SRGAP2: variants seen among roughly 807,000 people sequenced by gnomAD.
SRGAP2 encodes SLIT-ROBO Rho GTPase-activating protein 2.
A neutral mutation model predicts 57.2 loss-of-function variants in SRGAP2; 15 were observed. The observed-to-expected ratio is 0.26, with a 90% confidence interval of 0.18 to 0.40. SRGAP2 has a LOEUF of 0.40. Ranked by LOEUF, SRGAP2 falls within the 10% of genes least tolerant of loss-of-function variation. SRGAP2 has a pLI of 1.00. For synonymous variants in SRGAP2, 249 were observed against 248.0 expected (o/e 1.00, Z -0.04); for missense variants, 520 against 669.6 (o/e 0.78, Z 2.47).
chr1:206,373,186 C>T (rs2103032150), intron 4 of SRGAP2, among the ~76,000 whole-genome samples: 1 of 145,554 alleles, frequency 6.9e-6, no homozygotes, highest in Non-Finnish European at 1.5e-5. Flanking sequence ...ACCTCTGCCT[C>T]CCGGGTTCAA....
At chr1:206,387,536 AGTTATTT>A in intron 5 of SRGAP2, among the ~76,000 whole-genome samples, 1 of 86,486 alleles carries the variant, frequency 1.2e-5, no homozygotes, top group Admixed American at 1.2e-4. Context: ...AGGCAATAGA[AGTTATTT>A]GGGGTCACTG....
chr1:206,452,118 T>C (rs1375055603), intron 19 of SRGAP2, among the ~76,000 whole-genome samples: 1 of 152,224 alleles, frequency 6.6e-6, no homozygotes, highest in African/African-American at 2.4e-5. Context: ...GGCGGGACAC[T>C]GTTCTAAGCA....
At chr1:206,253,468 T>C (rs1311945507) in intron 2 of SRGAP2, among the ~76,000 whole-genome samples, 5 of 151,962 alleles carry the variant, frequency 3.3e-5, no homozygotes, top group Non-Finnish European at 7.4e-5. Flanking sequence ...TCCTTGACCT[T>C]GGACTTCCTA....
rs1304732607 is a variant in SRGAP2 at position 206,283,445 on chromosome 1, A to G, written c.68-19836A>G. ...TCCCAGCACTTTGGGAGGCTGAGGC[A>G]GGTAGATCACTTGAGACCAGGAGTT... On this transcript the variant is annotated intron_variant, in intron 2 of 22. Coordinates refer to ENST00000573034, the MANE Select transcript of SRGAP2 (RefSeq NM_015326.5). Among the ~76,000 whole-genome samples, 1,391 of 151,508 alleles carry G rather than the reference A, an allele frequency of 9.2e-3. 21 individuals are homozygous for G. The highest frequency in any genetic ancestry group is 0.032 in the African/African-American group (1,304 of 40,768).
In SRGAP2 at chr1:206,463,518, C is replaced by G. The variant is rs1465583340; in HGVS notation, c.*2098C>G. 1 of 152,676 alleles carries G rather than the reference C, an allele frequency of 6.5e-6. No homozygotes were observed. The allele number at this position is 152,676 out of a possible 1,614,324, so 9.5% of individuals were successfully genotyped here. The stretch of plus-strand genomic sequence containing the variant: ...CTCCCTCTCTCCAGCACACTCCCCT[C>G]TAAGAAAGTAAAAGCAAAGCTTTCT... On this transcript the variant is annotated 3_prime_UTR_variant, in exon 23 of 23. Transcript: ENST00000573034.
At chr1:206,213,082 A>G (rs1456602663) in intron 2 of SRGAP2, among the ~76,000 whole-genome samples, 1 of 152,022 alleles carries the variant, frequency 6.6e-6, no homozygotes, top group Non-Finnish European at 1.5e-5. Context: ...TCCCAGCTAT[A>G]CGGGAGGCTG....
At chr1:206,303,886 TCTCACACACA>T (rs1465277392) in intron 3 of SRGAP2, among the ~76,000 whole-genome samples, 2,298 of 132,878 alleles carry the variant, frequency 0.017, 17 homozygotes, top group African/African-American at 0.062. Context: ...TCTCTCTCTC[TCTCACACACA>T]CACACACACA....
At position 206,430,166 on chromosome 1, in the gene SRGAP2, C is replaced by T; in HGVS notation, c.1499C>T (p.Ser500Phe). ...RRSSTVRKQDSSQAIPLVVES... is the reference protein window; with the variant it reads ...RRSSTVRKQDFSQAIPLVVES... ...TGTTTCCCTTTGGCTTTTCAGGACT[C>T]CAGCCAGGCAATTCCTCTGGTGGTG... Residue 500 changes from serine to phenylalanine, a missense_variant, in exon 14 of 23, where the codon TCC becomes TTC. Coordinates refer to ENST00000573034, the MANE Select transcript of SRGAP2 (RefSeq NM_015326.5). 2 of 780,758 alleles carry T rather than the reference C, an allele frequency of 2.6e-6. No homozygotes were observed. The highest frequency in any genetic ancestry group is 4.8e-6 in the Non-Finnish European group (2 of 417,926). The allele number at this position is 780,758 out of a possible 1,614,324, so 48.4% of individuals were successfully genotyped here.
intron 5 of SRGAP2, among the ~76,000 whole-genome samples, chr1:206,389,230 A>G (rs1656658365): frequency 8.2e-6 from 1 of 121,960 alleles, no homozygotes; most frequent in Admixed American, 1.0e-4. Context: ...GCTGGAGTGC[A>G]GTGGCGTGAT....
In SRGAP2 at chr1:206,422,175, G is replaced by A. The variant is rs186396956; in HGVS notation, c.1494+901G>A. Among the ~76,000 whole-genome samples, 369 of 152,248 alleles carry A rather than the reference G, an allele frequency of 2.4e-3. 3 individuals carry two copies. The highest frequency in any genetic ancestry group is 8.0e-3 in the African/African-American group (334 of 41,544). On this transcript the variant is annotated intron_variant, in intron 13 of 22. Transcript: ENST00000573034. The stretch of plus-strand genomic sequence containing the variant: ...TGGCTCTAGCCACAGGGAGATAATC[G>A]AATAAAGAGGGCGCATGGTTTTTAT...
intron 2 of SRGAP2, chr1:206,206,346 G>T (rs1391616035): frequency 3.1e-5 from 9 of 294,782 alleles, no homozygotes; most frequent in Non-Finnish European, 5.0e-5. Context: ...TTAGAGAAAG[G>T]CAGTTTGCCT....
At chr1:206,418,881 ACT>A (rs146895320) in intron 11 of SRGAP2, among the ~76,000 whole-genome samples, 2,353 of 98,082 alleles carry the variant, frequency 0.024, 52 homozygotes, top group African/African-American at 0.082. Flanking sequence ...TCAGCCTCCA[ACT>A]CTCTCTGTGT....
At chr1:206,237,090 TAAA>T (rs1180042019) in intron 2 of SRGAP2, among the ~76,000 whole-genome samples, 7 of 131,206 alleles carry the variant, frequency 5.3e-5, no homozygotes, top group Non-Finnish European at 6.6e-5. Context: ...CCACCTCTAC[TAAA>T]AAAAAAAAAA....
chr1:206,353,238 G>A (rs1676164446), intron 4 of SRGAP2, among the ~76,000 whole-genome samples: 1 of 151,948 alleles, frequency 6.6e-6, no homozygotes, highest in Non-Finnish European at 1.5e-5. Flanking sequence ...GTTTTGCTTT[G>A]TTATCAATTG....
chr1:206,259,806 A>T (rs1669436156), intron 2 of SRGAP2, among the ~76,000 whole-genome samples: 1 of 142,026 alleles, frequency 7.0e-6, no homozygotes, highest in African/African-American at 2.6e-5. Flanking sequence ...TTTATTAAAT[A>T]TTGTGGGTTC....
At chr1:206,284,885 G>A (rs1369719902) in intron 2 of SRGAP2, among the ~76,000 whole-genome samples, 2 of 152,192 alleles carry the variant, frequency 1.3e-5, no homozygotes, top group African/African-American at 4.8e-5. Flanking sequence ...CCATGGCCTA[G>A]ATAATGATGT....
chr1:206,314,096 G>GTT (rs1463607146), intron 3 of SRGAP2, among the ~76,000 whole-genome samples: 2,091 of 125,602 alleles, frequency 0.017, 40 homozygotes, highest in African/African-American at 0.059. Flanking sequence ...GGGCTTTTTT[G>GTT]TTTTTTTTGT....
At chr1:206,309,297 A>G (rs1475817037) in intron 3 of SRGAP2, among the ~76,000 whole-genome samples, 2 of 151,870 alleles carry the variant, frequency 1.3e-5, no homozygotes, top group Non-Finnish European at 2.9e-5. Context: ...AGGTTAAATA[A>G]GTAGAGTAGA....
chr1:206,253,796 G>A (rs1203555107), intron 2 of SRGAP2, among the ~76,000 whole-genome samples: 2 of 150,766 alleles, frequency 1.3e-5, no homozygotes, highest in East Asian at 3.9e-4. Context: ...TGTTAACCAG[G>A]ATGGTATCGA....
Sources: allele counts gnomAD v4.1 joint callset (sites outside exome capture counted in the v4.1 genomes callset), GRCh38; gene constraint gnomAD v4.1.1; transcripts MANE v1.5; gene names NCBI Gene and HGNC (gene_info 2026-07-23, HGNC 2026-07-21).